Variants in CTTN observed in about 807,000 individuals in gnomAD.
CTTN encodes the protein cortactin.
Under a neutral mutation model 84.0 loss-of-function variants are expected in CTTN, and 28 were observed. The observed-to-expected ratio is 0.33, with a 90% CI of 0.25 to 0.46. CTTN has a LOEUF of 0.46. Ranked by LOEUF, CTTN falls within the 20% of genes least tolerant of loss-of-function variation. The pLI is 1.00. For missense variants in CTTN, 641 were observed against 723.8 expected (o/e 0.89, Z 1.31); for synonymous variants, 301 against 288.8 (o/e 1.04, Z -0.43).
chr11:70,417,766 G>A (rs1179404205), intron 8 of CTTN, among the ~76,000 whole-genome samples: 1 of 152,246 alleles, frequency 6.6e-6, no homozygotes, highest in Non-Finnish European at 1.5e-5. Context: ...AAAGTGCTGG[G>A]ATTACAGGTG....
chr11:70,425,877 G>A (rs559550212), intron 13 of CTTN, among the ~76,000 whole-genome samples: 22 of 152,198 alleles, frequency 1.4e-4, no homozygotes, highest in Admixed American at 5.2e-4. Context: ...CTGGACACAC[G>A]ATGGAGTCAG....
At chr11:70,412,685 G>A (rs2058107908) in intron 5 of CTTN, among the ~76,000 whole-genome samples, 1 of 152,162 alleles carries the variant, frequency 6.6e-6, no homozygotes, top group African/African-American at 2.4e-5. Context: ...GCCAGCGGTG[G>A]CTGCATCCAT....
chr11:70,410,821 G>A (rs1365108106), intron 5 of CTTN, among the ~76,000 whole-genome samples: 2 of 152,100 alleles, frequency 1.3e-5, no homozygotes, highest in African/African-American at 2.4e-5. Context: ...GATTCCAGCC[G>A]GTAATTCCAT....
At chr11:70,418,513 G>A (rs1260235337) in intron 8 of CTTN, among the ~76,000 whole-genome samples, 6 of 152,270 alleles carry the variant, frequency 3.9e-5, no homozygotes, top group Admixed American at 3.9e-4. Context: ...TGTGCTGTTA[G>A]TGGGTCCATG....
At chr11:70,433,772 T>G (rs1479767403) in intron 17 of CTTN, 54 bp downstream of exon 17, 3 of 1,116,744 alleles carry the variant, frequency 2.7e-6, no homozygotes, top group Admixed American at 1.7e-5. Flanking sequence ...TGCGCCTGCC[T>G]CTGCTTGTTT....
intron 13 of CTTN, among the ~76,000 whole-genome samples, chr11:70,426,556 A>T (rs1274656754): frequency 6.6e-6 from 1 of 151,800 alleles, no homozygotes; most frequent in Non-Finnish European, 1.5e-5. Flanking sequence ...AGTAGCTGGA[A>T]CTATAAGCGC....
At chr11:70,430,579 C>G (rs2058343839) in intron 14 of CTTN, among the ~76,000 whole-genome samples, 1 of 152,188 alleles carries the variant, frequency 6.6e-6, no homozygotes, top group African/African-American at 2.4e-5. Context: ...ATCACAGAAC[C>G]CTTAGTTTCA....
In CTTN at chr11:70,433,238, T is replaced by C. The variant is rs1298108355; in HGVS notation, c.1404T>C (p.Ala468=). 1 of 1,612,840 alleles carries C rather than the reference T, an allele frequency of 6.2e-7. No individual in the cohort carries two copies. Among genetic ancestry groups the C allele is most frequent in the East Asian group, 2.2e-5 (1 of 44,832 alleles). Residue 468 remains alanine (A), a synonymous_variant, in exon 16 of 18, where the codon GCT becomes GCC. Transcript: ENST00000301843. ...SQQGLAYATE[A]VYESAEAPGH... ...AGGGCCTGGCCTATGCCACAGAGGC[T>C]GTCTATGAAAGCGCAGAGGCCCCGG...
intron 15 of CTTN, 136 bp from the exon 16 acceptor site, chr11:70,432,965 C>A: frequency 1.1e-6 from 1 of 902,726 alleles, no homozygotes; most frequent in Non-Finnish European, 1.7e-6. Context: ...CCTTCCTATA[C>A]CGCGTCTGTT....
chr11:70,436,329 C>T lies in CTTN; in HGVS notation c.*1167C>T, dbSNP rs781509428. 17 of 1,598,134 alleles carry T rather than the reference C, an allele frequency of 1.1e-5. No homozygotes were observed. The highest frequency in any genetic ancestry group is 6.7e-5 in the Admixed American group (4 of 59,994). ...AGCCGGGAGGCTGGACCAGTCCCGT[C>T]GTGCAGTCAGGTGGGCGGTGTGTCT... On this transcript the variant is annotated 3_prime_UTR_variant, in exon 18 of 18. Transcript: ENST00000301843.
At chr11:70,401,306 TA>T (rs71049908) in intron 1 of CTTN, among the ~76,000 whole-genome samples, 52 of 146,716 alleles carry the variant, frequency 3.5e-4, no homozygotes, top group East Asian at 4.0e-4. Context: ...CCGTCTCTAC[TA>T]AAAAAAAAAA....
intron 16 of CTTN, 32 bp downstream of exon 16, chr11:70,433,310 C>A: frequency 6.4e-7 from 1 of 1,569,964 alleles, no homozygotes; most frequent in East Asian, 2.3e-5. Flanking sequence ...GCGCCCTGCC[C>A]AGGGCAGGGA....
chr11:70,430,047 A>G (rs1256583210), intron 14 of CTTN, among the ~76,000 whole-genome samples: 4 of 152,120 alleles, frequency 2.6e-5, no homozygotes, highest in African/African-American at 7.2e-5. Context: ...GGAATTTACA[A>G]CTGTCCTGTT....
chr11:70,429,650 C>T (rs1166164184), intron 14 of CTTN, among the ~76,000 whole-genome samples: 1 of 152,074 alleles, frequency 6.6e-6, no homozygotes, highest in Non-Finnish European at 1.5e-5. Context: ...CCTGCTTCTG[C>T]TTGGCCAGCC....
intron 17 of CTTN, among the ~76,000 whole-genome samples, 164 bp from the exon 18 acceptor site, chr11:70,434,862 T>G (rs907289953): frequency 1.3e-5 from 2 of 152,202 alleles, no homozygotes; most frequent in Non-Finnish European, 2.9e-5. Context: ...AATCCTGGCC[T>G]TGGTGGCATG....
At position 70,430,400 on chromosome 11, in the gene CTTN, G is replaced by C. The variant is rs906991797; in HGVS notation, c.1177-791G>C. 1.6e-4 allele frequency among the ~76,000 whole-genome samples: 24 copies of C among 152,350 alleles called. No homozygotes were observed. The East Asian group carries it at 4.4e-3, about 28-fold the overall frequency. On this transcript the variant is annotated intron_variant, in intron 14 of 17. Coordinates refer to ENST00000301843, the MANE Select transcript of CTTN (RefSeq NM_005231.4). Reference sequence around the variant, plus strand: ...GCTCTGGAGGTCAGAGGTCCTCAAAGATGTCAGCAGGGCTGTGTTCCTCCT... The same window carrying C: ...GCTCTGGAGGTCAGAGGTCCTCAAACATGTCAGCAGGGCTGTGTTCCTCCT...
chr11:70,435,650 G>T lies in CTTN; in HGVS notation c.*488G>T. The stretch of plus-strand genomic sequence containing the variant: ...GGGGAGGAGAGGACTGGGCCTGATG[G>T]AAGTTAACCCGGAGCTAAGTCACCC... On this transcript the variant is annotated 3_prime_UTR_variant, in exon 18 of 18. Transcript: ENST00000301843. The T allele has an allele frequency of 6.3e-7, 1 of 1,596,234 alleles. No individual in the cohort carries two copies. The highest frequency in any genetic ancestry group is 1.1e-5 in the South Asian group (1 of 90,468).
intron 5 of CTTN, 24 bp from the exon 6 acceptor site, chr11:70,414,518 C>T: frequency 6.4e-7 from 1 of 1,573,740 alleles, no homozygotes; most frequent in Non-Finnish European, 8.7e-7. Context: ...GTGTCTAATG[C>T]TTTGTGTTTG....
intron 8 of CTTN, among the ~76,000 whole-genome samples, 189 bp downstream of exon 8, chr11:70,417,312 T>C (rs1263514759): frequency 1.3e-5 from 2 of 152,202 alleles, no homozygotes; most frequent in Non-Finnish European, 2.9e-5. Flanking sequence ...GAGGATTCCA[T>C]AGTCCATGTA....
Sources: gnomAD v4.1 joint callset for allele counts (sites outside exome capture counted in the v4.1 genomes callset) on GRCh38, gnomAD v4.1.1 for gene constraint, MANE v1.5 for transcripts, NCBI Gene and HGNC (gene_info 2026-07-23, HGNC 2026-07-21) for gene names.